Variants in MMAB observed in about 807,000 individuals in gnomAD.
MMAB encodes the protein metabolism of cobalamin associated B, also known as corrinoid adenosyltransferase MMAB.
A neutral mutation model predicts 30.6 loss-of-function variants in MMAB; 17 were observed. The ratio of observed to expected loss-of-function variants is 0.56; its 90% confidence interval spans 0.38 to 0.83. The LOEUF (loss-of-function observed/expected upper bound fraction) is 0.83, where lower values mean the gene tolerates loss of function less well. Among genes scored for constraint, MMAB ranks in the 40% least tolerant of loss-of-function variants. The pLI is 0.00. For missense variants in MMAB, 311 were observed against 331.6 expected (o/e 0.94, Z 0.48); for synonymous variants, 134 against 138.6 (o/e 0.97, Z 0.23).
chr12:109,565,683 G>C (rs1884396650), intron 3 of MMAB, among the ~76,000 whole-genome samples: 1 of 152,176 alleles, frequency 6.6e-6, no homozygotes, highest in Admixed American at 6.5e-5. Flanking sequence ...AATCAGATTA[G>C]ACATACTCCT....
rs1369580273 is a variant in MMAB at position 109,555,373 on chromosome 12, C to T, written c.*1655G>A. On this transcript the variant is annotated 3_prime_UTR_variant, in exon 9 of 9. Transcript: ENST00000545712. ...TCTTGGCTCACTGCAGCCTCTGCCT[C>T]GTAGGTTCAAGTGATTCTCCTGCCT... is the stretch of plus-strand genomic sequence containing the variant. The T allele has an allele frequency of 1.9e-5, 8 of 421,570 alleles. No homozygotes were observed. The highest frequency in any genetic ancestry group is 8.6e-5 in the Admixed American group (3 of 34,896). The allele number at this position is 421,570 out of a possible 1,614,324, so 26.1% of individuals were successfully genotyped here.
At chr12:109,562,399 T>G (rs1195285690) in intron 4 of MMAB, among the ~76,000 whole-genome samples, 2 of 152,216 alleles carry the variant, frequency 1.3e-5, no homozygotes, top group Non-Finnish European at 2.9e-5. Flanking sequence ...TGGCTGACAT[T>G]TGAAAGCAAA....
At position 109,556,483 on chromosome 12, in the gene MMAB, G is replaced by T. The variant is rs1566129253; in HGVS notation, c.*545C>A. 1 of 454,038 alleles carries T rather than the reference G, an allele frequency of 2.2e-6. No individual in the cohort carries two copies. Among genetic ancestry groups the T allele is most frequent in the Non-Finnish European group, 4.4e-6 (1 of 226,776 alleles). The allele number at this position is 454,038 out of a possible 1,614,324, so 28.1% of individuals were successfully genotyped here. A position where few individuals can be genotyped will look rare whatever the true frequency, so the allele number is the denominator to read the frequency against. On this transcript the variant is annotated 3_prime_UTR_variant, in exon 9 of 9. Transcript: ENST00000545712. Reference sequence around the variant, plus strand: ...TTCCCCCACACTTTGGCGGTGATGGGTGGCTCAGAGGTGACTAAACTTCCA... The same window carrying T: ...TTCCCCCACACTTTGGCGGTGATGGTTGGCTCAGAGGTGACTAAACTTCCA...
intron 4 of MMAB, chr12:109,564,674 A>C (rs1195852895): frequency 4.3e-6 from 1 of 233,560 alleles, no homozygotes; most frequent in East Asian, 1.0e-4. Flanking sequence ...TTACAGGCTT[A>C]ATTGAACCAT....
At chr12:109,559,267 T>C (rs1884104725) in intron 7 of MMAB, 112 bp from the exon 8 acceptor site, 1 of 830,710 alleles carries the variant, frequency 1.2e-6, no homozygotes, top group Non-Finnish European at 2.1e-6. Flanking sequence ...AACCTGAACC[T>C]GCACAGGCTC....
chr12:109,573,341 A>T lies in MMAB; in HGVS notation c.134+6T>A. 2 of 1,612,954 alleles carry T rather than the reference A, an allele frequency of 1.2e-6. No individual in the cohort carries two copies. Among genetic ancestry groups the T allele is most frequent in the Non-Finnish European group, 1.7e-6 (2 of 1,179,768 alleles). On this transcript the variant is annotated splice_donor_region_variant and intron_variant, in intron 1 of 8. Transcript: ENST00000545712. ...GTTCGAGTTGCCCTTCCCGCCAGCC[A>T]CTCACCTGTCCCCGTCTTCCACGCC... is the stretch of plus-strand genomic sequence containing the variant.
At chr12:109,568,981 T>G in intron 2 of MMAB, 118 bp from the exon 3 acceptor site, 1 of 793,226 alleles carries the variant, frequency 1.3e-6, no homozygotes, top group East Asian at 2.7e-5. Flanking sequence ...ACAGTCACTC[T>G]GTCATCCAGG....
chr12:109,556,919 T>C lies in MMAB; in HGVS notation c.*109A>G. 4 of 748,076 alleles carry C rather than the reference T, an allele frequency of 5.3e-6. No individual in the cohort carries two copies. The highest frequency in any genetic ancestry group is 9.6e-6 in the Non-Finnish European group (4 of 418,524). 46.3% of individuals were successfully genotyped at this position (748,076 alleles called of 1,614,324 possible). On this transcript the variant is annotated 3_prime_UTR_variant, in exon 9 of 9. Coordinates refer to ENST00000545712, the MANE Select transcript of MMAB (RefSeq NM_052845.4). ...GCTGAGCTGGGACAAAAGGCTGCTT[T>C]GAGCCTCTCTGGGTGAGCTCTTCAG... is the stretch of plus-strand genomic sequence containing the variant.
chr12:109,561,993 T>A lies in MMAB; in HGVS notation c.349-141A>T, dbSNP rs1884230395. On this transcript the variant is annotated intron_variant, in intron 4 of 8. Coordinates refer to ENST00000545712, the MANE Select transcript of MMAB (RefSeq NM_052845.4). This position sits in a 1 kb window ranked among gnomAD's most constrained non-coding sequence, Gnocchi z 5.3. ...GGCTGTGATATGGTTTGGCAATGTG[T>A]CCCCATCCAAATCTCATGTTAAATT... 1.4e-6 allele frequency: 1 copy of A among 729,202 alleles called. No individual in the cohort carries two copies. Among genetic ancestry groups the A allele is most frequent in the Admixed American group, 2.0e-5 (1 of 48,854 alleles). The allele number at this position is 729,202 out of a possible 1,614,324, so 45.2% of individuals were successfully genotyped here. A position where few individuals can be genotyped will look rare whatever the true frequency, so the allele number is the denominator to read the frequency against.
intron 7 of MMAB, among the ~76,000 whole-genome samples, 159 bp downstream of exon 7, chr12:109,560,881 G>A (rs899749756): frequency 5.9e-5 from 9 of 152,242 alleles, no homozygotes; most frequent in Admixed American, 2.0e-4. Context: ...ATGTGTGGCT[G>A]GATGGCTCAG....
intron 4 of MMAB, among the ~76,000 whole-genome samples, chr12:109,562,073 T>A (rs938137843): frequency 1.7e-4 from 26 of 152,040 alleles, no homozygotes; most frequent in Admixed American, 8.5e-4. Context: ...ATCATTGGGG[T>A]AGTTTTGAAT....
rs932449816 is a variant in MMAB at position 109,555,983 on chromosome 12, C to G, written c.*1045G>C. On this transcript the variant is annotated 3_prime_UTR_variant, in exon 9 of 9. Transcript: ENST00000545712. ...TTCGCCAGGCATTTCAGCCCTGAAA[C>G]TGGACAAGAGCCTGCCCTTCCAAAG... 2.2e-6 allele frequency: 1 copy of G among 454,054 alleles called. No homozygotes were observed. The highest frequency in any genetic ancestry group is 2.3e-5 in the Admixed American group (1 of 42,570). The allele number at this position is 454,054 out of a possible 1,614,324, so 28.1% of individuals were successfully genotyped here. A position where few individuals can be genotyped will look rare whatever the true frequency, so the allele number is the denominator to read the frequency against.
rs34921355 is a variant in MMAB, at chr12:109,555,493, C to T, written c.*1535G>A. ...TTTTTTAGCAGAAATGGGGTTTTAC[C>T]ATGTTGACCAGGCTGGTCTCAAACT... On this transcript the variant is annotated 3_prime_UTR_variant, in exon 9 of 9. Transcript: ENST00000545712. 0.16 allele frequency: 64,682 copies of T among 397,566 alleles called. 5,569 individuals are homozygous for T. Among genetic ancestry groups the T allele is most frequent in the African/African-American group, 0.19 (8,119 of 43,680 alleles). 24.6% of individuals were successfully genotyped at this position (397,566 alleles called of 1,614,324 possible).
In MMAB at chr12:109,571,087, C is replaced by T. The variant is rs568862596; in HGVS notation, c.196+562G>A. ...TCTCCCAGAACAGTCCCAGGTGTAACCTTTCAGACTATTCTACACACACCT... is the reference window on the plus strand; with the variant it reads ...TCTCCCAGAACAGTCCCAGGTGTAATCTTTCAGACTATTCTACACACACCT... On this transcript the variant is annotated intron_variant, in intron 2 of 8. Transcript: ENST00000545712. 4.6e-5 allele frequency among the ~76,000 whole-genome samples: 7 copies of T among 152,230 alleles called. No individual in the cohort carries two copies. In the South Asian group the frequency reaches 1.2e-3, roughly 27 times the overall value.
intron 2 of MMAB, chr12:109,570,091 G>A (rs757646094): frequency 3.8e-5 from 12 of 317,920 alleles, no homozygotes; most frequent in South Asian, 9.1e-5. Flanking sequence ...GCAAATCCCC[G>A]TCTCTACTAA....
rs1407241969 is a variant in MMAB, at chr12:109,558,705, G to A, written c.644+391C>T. Among the ~76,000 whole-genome samples the A allele has an allele frequency of 2.0e-5, 3 of 152,016 alleles. No individual in the cohort carries two copies. Among genetic ancestry groups the A allele is most frequent in the South Asian group, 2.1e-4 (1 of 4,818 alleles). On this transcript the variant is annotated intron_variant, in intron 8 of 8. Coordinates refer to ENST00000545712, the MANE Select transcript of MMAB (RefSeq NM_052845.4). This position sits in a 1 kb window ranked among gnomAD's most constrained non-coding sequence, Gnocchi z 4.3. ...TCATGCTGCCGCAGGCCCTCTCGGG[G>A]ACAGGAAACTGGCTGAGAGAGGGCC...
intron 7 of MMAB, 68 bp downstream of exon 7, chr12:109,560,972 T>TG: frequency 1.3e-5 from 6 of 464,382 alleles, no homozygotes; most frequent in South Asian, 7.2e-5. Flanking sequence ...CCTCTCCCTC[T>TG]CCCTCCCCCC....
chr12:109,557,075 T>C lies in MMAB; in HGVS notation c.706A>G (p.Lys236Glu), dbSNP rs1383888617. The stretch of plus-strand genomic sequence containing the variant: ...GATGGGTCATTTTTCATGTATATTT[T>C]CTCTTGATTCCCCTCCTTCATGGCT... The part of the protein sequence containing the change: ...YAAMKEGNQE[K>E]IYMKNDPSAE... The change falls in exon 9 of 9, where the codon AAA becomes GAA. Residue 236 changes from lysine to glutamate, a missense_variant. Transcript: ENST00000545712. The C allele has an allele frequency of 1.2e-6, 2 of 1,613,842 alleles. No individual in the cohort carries two copies. The highest frequency in any genetic ancestry group is 8.5e-7 in the Non-Finnish European group (1 of 1,179,804).
At position 109,553,787 on chromosome 12, in the gene MMAB, C is replaced by T. The variant is rs1367876141; in HGVS notation, c.*3241G>A. 3 of 438,046 alleles carry T rather than the reference C, an allele frequency of 6.8e-6. No homozygotes were observed. The highest frequency in any genetic ancestry group is 6.1e-5 in the African/African-American group (3 of 49,398). 27.1% of individuals were successfully genotyped at this position (438,046 alleles called of 1,614,324 possible). A position where few individuals can be genotyped will look rare whatever the true frequency, so the allele number is the denominator to read the frequency against. ...ATTAAACTTGAAATGCATCTGGATT[C>T]TTAAAGGTTCAGTAGTGATCACTGG... On this transcript the variant is annotated 3_prime_UTR_variant, in exon 9 of 9. Coordinates refer to ENST00000545712, the MANE Select transcript of MMAB (RefSeq NM_052845.4).
Sources: gnomAD v4.1 joint callset for allele counts (sites outside exome capture counted in the v4.1 genomes callset) on GRCh38, gnomAD v4.1.1 for gene constraint, Gnocchi (gnomAD v3.1) non-coding constraint, MANE v1.5 for transcripts, NCBI Gene and HGNC (gene_info 2026-07-23, HGNC 2026-07-21) for gene names.